The following ERCC4 variants were observed in gnomAD, a reference collection of about 807,000 sequenced individuals.
The protein encoded by ERCC4 is DNA repair endonuclease XPF.
In ERCC4, 65 loss-of-function variants were observed where a neutral mutation model predicts 76.9. The ratio of observed to expected loss-of-function variants is 0.84; its 90% CI spans 0.69 to 1.04. The LOEUF is 1.04. ERCC4 is among the 50% of genes least tolerant of loss of function. The probability of loss-of-function intolerance (pLI) is 0.00; values close to 1 mark genes in which losing one functional copy is unlikely to be tolerated. For synonymous variants in ERCC4, 463 were observed against 410.1 expected, an observed-to-expected ratio of 1.13 and a Z score of -1.56; for missense variants, 1,214 against 1,128.2, an observed-to-expected ratio of 1.08 and a Z score of -1.09.
chr16:13,949,565 G>C lies in ERCC4; in HGVS notation c.*1218G>C, dbSNP rs572852406. On this transcript the variant is annotated 3_prime_UTR_variant, in exon 11 of 11. Transcript: ENST00000311895. ...TTAAGATTTGATTTTCCTGCCTTGA[G>C]ATAAAAAGGAGTGTAGGTAAATGAA... 1.7e-5 allele frequency: 4 copies of C among 232,674 alleles called. No individual in the cohort carries two copies. Among genetic ancestry groups the C allele is most frequent in the African/African-American group, 8.8e-5 (4 of 45,260 alleles). The allele number at this position is 232,674 out of a possible 1,614,324, so 14.4% of individuals were successfully genotyped here. A position where few individuals can be genotyped will look rare whatever the true frequency, so the allele number is the denominator to read the frequency against.
At chr16:13,937,889 C>A in intron 9 of ERCC4, 31 bp downstream of exon 9, 1 of 1,377,012 alleles carries the variant, frequency 7.3e-7, no homozygotes, top group Non-Finnish European at 1.0e-6. Context: ...ATGAAAGCCC[C>A]AACTACATTG....
intron 3 of ERCC4, 184 bp downstream of exon 3, chr16:13,926,940 G>A (rs1307071813): frequency 3.3e-6 from 2 of 598,800 alleles, no homozygotes; most frequent in Non-Finnish European, 5.9e-6. Context: ...CCAAGTTTGT[G>A]GTTTTATTTA....
At position 13,935,582 on chromosome 16, in the gene ERCC4, CCTCA is replaced by C; in HGVS notation, c.1653_1656del (p.Thr552SerfsTer14). On this transcript the variant is annotated frameshift_variant, in exon 8 of 11. Coordinates refer to ENST00000311895, the MANE Select transcript of ERCC4 (RefSeq NM_005236.3). LOFTEE classifies it high-confidence loss of function. Reference sequence around the variant, plus strand: ...CTGCTTTCGGAATCCTGAAAGAACCCCTCACTATCATCCATCCGCTTCTGGGTTG... The same window carrying C: ...CTGCTTTCGGAATCCTGAAAGAACCCCTATCATCCATCCGCTTCTGGGTTG... 1 of 1,614,132 alleles carries C rather than the reference CCTCA, an allele frequency of 6.2e-7. No homozygotes were observed. Among genetic ancestry groups the C allele is most frequent in the Non-Finnish European group, 8.5e-7 (1 of 1,180,020 alleles).
In ERCC4 at chr16:13,928,024, T is replaced by G. The variant is rs2141946043; in HGVS notation, c.585-4T>G. 1.9e-6 allele frequency: 3 copies of G among 1,609,168 alleles called. No individual in the cohort carries two copies. The South Asian group carries it at 3.3e-5, about 18-fold the overall frequency. On this transcript the variant is annotated splice_region_variant and splice_polypyrimidine_tract_variant and intron_variant, in intron 3 of 10. Coordinates refer to ENST00000311895, the MANE Select transcript of ERCC4 (RefSeq NM_005236.3). ...AAATTGTTGAAAAATATTTGTCTCT[T>G]TAGGTTCCATGTAGCAGTAAACTCA...
rs2032558895 is a variant in ERCC4, at chr16:13,948,144, G to A, written c.2548G>A (p.Asp850Asn). ...AGAGAAGTATAATCCTGGTCCCCAA[G>A]ACTTCTTGTTAAAAATGCCAGGGGT... ...ESEKYNPGPQ[D>N]FLLKMPGVNA... Residue 850 changes from aspartate (D) to asparagine (N), a missense_variant, in exon 11 of 11, where the codon GAC (aspartate) becomes AAC (asparagine). Physicochemically the swap from Asp to Asn is conservative, Grantham distance 23 (BLOSUM62 1). Coordinates refer to ENST00000311895, the MANE Select transcript of ERCC4 (RefSeq NM_005236.3). The A allele has an allele frequency of 6.2e-7, 1 of 1,614,054 alleles. No homozygotes were observed. Among genetic ancestry groups the A allele is most frequent in the South Asian group, 1.1e-5 (1 of 91,076 alleles).
rs532485638 is a variant in ERCC4 at position 13,949,598 on chromosome 16, T to C, written c.*1251T>C. On this transcript the variant is annotated 3_prime_UTR_variant, in exon 11 of 11. Transcript: ENST00000311895. Reference sequence around the variant, plus strand: ...GGAGTGTAGGTAAATGAAAGATCAATGTATGGAATATATAAAAATACGAAA... The same window carrying C: ...GGAGTGTAGGTAAATGAAAGATCAACGTATGGAATATATAAAAATACGAAA... The C allele has an allele frequency of 1.3e-3, 297 of 232,750 alleles. 2 individuals are homozygous for C. The highest frequency in any genetic ancestry group is 1.9e-3 in the Non-Finnish European group (223 of 117,798). 14.4% of individuals were successfully genotyped at this position (232,750 alleles called of 1,614,324 possible). A position where few individuals can be genotyped will look rare whatever the true frequency, so the allele number is the denominator to read the frequency against.
chr16:13,925,768 T>A (rs1302660649), intron 2 of ERCC4, among the ~76,000 whole-genome samples: 1 of 152,192 alleles, frequency 6.6e-6, no homozygotes, highest in Non-Finnish European at 1.5e-5. Context: ...CTAGAAAGCA[T>A]GTCTGTATGC....
At chr16:13,920,443 C>T in intron 1 of ERCC4, 71 bp downstream of exon 1, 2 of 1,347,252 alleles carry the variant, frequency 1.5e-6, no homozygotes, top group South Asian at 2.5e-5. Context: ...GATGCGAGGC[C>T]TCTGACAGGG....
chr16:13,924,829 G>A (rs535213105), intron 2 of ERCC4, among the ~76,000 whole-genome samples: 1 of 152,066 alleles, frequency 6.6e-6, no homozygotes, highest in Admixed American at 6.5e-5. Context: ...TCCTGTTCTC[G>A]GGCAGTTTAA....
intron 2 of ERCC4, chr16:13,922,704 T>C: frequency 2.6e-6 from 1 of 380,780 alleles, no homozygotes; most frequent in South Asian, 2.4e-5. Context: ...CCGGAGAGGG[T>C]ATTTTCTACA....
chr16:13,943,099 A>C (rs994254511), intron 9 of ERCC4, among the ~76,000 whole-genome samples: 1 of 152,204 alleles, frequency 6.6e-6, no homozygotes, highest in Non-Finnish European at 1.5e-5. Context: ...ATATATTTGC[A>C]TTTATAGGTT....
At chr16:13,927,127 A>T (rs2032087068) in intron 3 of ERCC4, among the ~76,000 whole-genome samples, 1 of 152,240 alleles carries the variant, frequency 6.6e-6, no homozygotes, top group Non-Finnish European at 1.5e-5. Context: ...TGCTTTGAAA[A>T]TTACTCAACA....
intron 9 of ERCC4, among the ~76,000 whole-genome samples, chr16:13,939,308 C>G (rs2032367674): frequency 6.6e-6 from 1 of 152,102 alleles, no homozygotes; most frequent in South Asian, 2.1e-4. Flanking sequence ...GCTGAGGTTA[C>G]AAGTGGTGCA....
chr16:13,945,224 GT>G (rs1326154546), intron 10 of ERCC4, among the ~76,000 whole-genome samples: 1 of 152,192 alleles, frequency 6.6e-6, no homozygotes, highest in Non-Finnish European at 1.5e-5. Flanking sequence ...GTTAAAGGAA[GT>G]TTCTCCTTCC....
At chr16:13,922,818 A>ATAGG in intron 2 of ERCC4, 1 of 192,264 alleles carries the variant, frequency 5.2e-6, no homozygotes, top group South Asian at 9.7e-5. Flanking sequence ...TTTCAGCATG[A>ATAGG]TACCTGACAC....
intron 3 of ERCC4, chr16:13,927,483 C>T (rs2032093602): frequency 6.5e-6 from 1 of 152,730 alleles, no homozygotes; most frequent in Non-Finnish European, 1.4e-5. Flanking sequence ...CACTTGAACC[C>T]AGGAGGCAGA....
At chr16:13,925,744 A>T (rs2032060283) in intron 2 of ERCC4, among the ~76,000 whole-genome samples, 1 of 152,144 alleles carries the variant, frequency 6.6e-6, no homozygotes, top group Non-Finnish European at 1.5e-5. Context: ...TCTTGGAGTA[A>T]TTGTGGTTTT....
chr16:13,932,757 T>A lies in ERCC4; in HGVS notation c.1102+472T>A, dbSNP rs3136127. On this transcript the variant is annotated intron_variant, in intron 6 of 10. Coordinates refer to ENST00000311895, the MANE Select transcript of ERCC4 (RefSeq NM_005236.3). ...CAAGACTCCATCTCTACAAAAAAAA[T>A]TTTAAGGCTGGGCTCAGTGGCTCAC... 1,555 of 192,848 alleles carry A rather than the reference T, an allele frequency of 8.1e-3. 26 individuals carry two copies. Among genetic ancestry groups the A allele is most frequent in the African/African-American group, 0.034 (1,428 of 41,682 alleles). The allele number at this position is 192,848 out of a possible 1,614,324, so 11.9% of individuals were successfully genotyped here.
At chr16:13,923,831 C>G (rs1046715421) in intron 2 of ERCC4, among the ~76,000 whole-genome samples, 1 of 152,136 alleles carries the variant, frequency 6.6e-6, no homozygotes, top group Admixed American at 6.5e-5. Context: ...TTCTTATAAG[C>G]TTGGTTTTAC....
Sources: allele counts gnomAD v4.1 joint callset (sites outside exome capture counted in the v4.1 genomes callset), GRCh38; gene constraint gnomAD v4.1.1; transcripts MANE v1.5; gene names NCBI Gene and HGNC (gene_info 2026-07-23, HGNC 2026-07-21).